The following SSC5D variants were observed in gnomAD, a reference collection of about 807,000 sequenced individuals.
SSC5D encodes the protein soluble scavenger receptor cysteine-rich domain-containing protein SSC5D.
In SSC5D, 106 loss-of-function variants were observed where a neutral mutation model predicts 104.6. The ratio of observed to expected loss-of-function variants is 1.01; its 90% CI spans 0.87 to 1.19. The LOEUF (loss-of-function observed/expected upper bound fraction) is 1.19. Ranked by LOEUF, SSC5D falls within the 50% of genes most tolerant of loss-of-function variation. The pLI is 0.00. For synonymous variants in SSC5D, 860 were observed against 883.5 expected (o/e 0.97, Z 0.47); for missense variants, 1,993 against 2,153.8 (o/e 0.93, Z 1.48).
intron 12 of SSC5D, among the ~76,000 whole-genome samples, chr19:55,504,724 G>A (rs10402335): frequency 6.6e-6 from 1 of 151,940 alleles, no homozygotes; most frequent in African/African-American, 2.4e-5. Flanking sequence ...TGGTCTCAAA[G>A]CCGACCTCGT....
chr19:55,492,250 C>T (rs1012188853), intron 6 of SSC5D: 4 of 152,262 alleles, frequency 2.6e-5, no homozygotes, highest in African/African-American at 9.7e-5. Context: ...TCTGTATAGA[C>T]CCACGCTCCA....
At position 55,489,356 on chromosome 19, in the gene SSC5D, C is replaced by A; in HGVS notation, c.55C>A (p.Arg19Ser). ...AALVGIQAVE[R>S]LRLADGPHGC... ...ACAGCCATTCCTCCAACCCTCAGAG[C>A]GCCTGCGCCTGGCCGATGGCCCCCA... is the stretch of plus-strand genomic sequence containing the variant. Residue 19 changes from arginine to serine, a missense_variant and splice_region_variant, in exon 3 of 14, where the codon CGC (arginine) becomes AGC (serine). Physicochemically the swap from Arg to Ser is moderately radical, Grantham distance 110. Transcript: ENST00000389623. 6.9e-7 allele frequency: 1 copy of A among 1,446,300 alleles called. No homozygotes were observed. Among genetic ancestry groups the A allele is most frequent in the South Asian group, 1.5e-5 (1 of 67,800 alleles). The allele number at this position is 1,446,300 out of a possible 1,614,324, so 89.6% of individuals were successfully genotyped here.
intron 8 of SSC5D, among the ~76,000 whole-genome samples, chr19:55,497,626 T>C (rs1192245387): frequency 6.6e-6 from 1 of 152,214 alleles, no homozygotes; most frequent in Non-Finnish European, 1.5e-5. Context: ...TTCTAGATTA[T>C]ATGGTAATTT....
chr19:55,493,981 CGGGGG>C, intron 7 of SSC5D, 69 bp downstream of exon 7: 10 of 44,512 alleles, frequency 2.2e-4, no homozygotes, highest in African/African-American at 3.0e-4. Flanking sequence ...GCAAGTTCGG[CGGGGG>C]CGGGGGGGTC....
intron 12 of SSC5D, among the ~76,000 whole-genome samples, chr19:55,512,386 A>G (rs1398138891): frequency 6.7e-6 from 1 of 149,774 alleles, no homozygotes; most frequent in African/African-American, 2.5e-5. Flanking sequence ...AAAAGGAAAA[A>G]TAGTATTATA....
At chr19:55,497,291 CTTA>C (rs1987349459) in intron 8 of SSC5D, among the ~76,000 whole-genome samples, 1 of 152,090 alleles carries the variant, frequency 6.6e-6, no homozygotes, top group African/African-American at 2.4e-5. Flanking sequence ...AACAAAACAC[CTTA>C]TTATCCCTGG....
At chr19:55,491,244 C>T in intron 6 of SSC5D, 164 bp downstream of exon 6, 1 of 753,282 alleles carries the variant, frequency 1.3e-6, no homozygotes, top group Non-Finnish European at 2.1e-6. Context: ...CCTCCTTCCA[C>T]AGCTCCTGCC....
At chr19:55,513,747 A>T (rs149741542) in intron 13 of SSC5D, among the ~76,000 whole-genome samples, 334 of 152,304 alleles carry the variant, frequency 2.2e-3, no homozygotes, top group Non-Finnish European at 3.8e-3. Flanking sequence ...GGTGATAAAC[A>T]TTCACAATGC....
chr19:55,489,293 C>T, intron 2 of SSC5D, 61 bp from the exon 3 acceptor site: 1 of 1,410,234 alleles, frequency 7.1e-7, no homozygotes, highest in Non-Finnish European at 9.2e-7. Flanking sequence ...CCTACAGTTG[C>T]CCTGGCCTTG....
In SSC5D at chr19:55,518,732, G is replaced by GGGTGGGCTCCTTCCC. The variant is rs1987953384; in HGVS notation, c.4456_4457insGGTGGGCTCCTTCCC (p.Glu1486delinsGlyTrpAlaProSerGln). 1 of 1,550,790 alleles carries GGGTGGGCTCCTTCCC rather than the reference G, an allele frequency of 6.4e-7. No homozygotes were observed. The highest frequency in any genetic ancestry group is 8.7e-7 in the Non-Finnish European group (1 of 1,146,902). On this transcript the variant is annotated protein_altering_variant, in exon 14 of 14. Transcript: ENST00000389623. The stretch of plus-strand genomic sequence containing the variant: ...ACCACCTGTAAGGGTCATGGCTTGT[G>GGGTGGGCTCCTTCCC]AGCCACCTGCCCTGGTGGAGCTGGT...
Position 55,500,356 on chromosome 19 carries a change from C to T in SSC5D, c.2246C>T (p.Pro749Leu), listed in dbSNP as rs574917882. Reference protein sequence around the residue: ...EPSAEIPEGSPESPKDPAPSP... With the variant: ...EPSAEIPEGSLESPKDPAPSP... The stretch of plus-strand genomic sequence containing the variant: ...TCTGCTGAGATCCCAGAAGGGTCTC[C>T]AGAGTCACCCAAAGACCCGGCCCCC... The change falls in exon 10 of 14, where the codon CCA (proline) becomes CTA (leucine). Residue 749 changes from proline to leucine, a missense_variant. Physicochemically the swap from Pro to Leu is moderately conservative, Grantham distance 98. Around this residue, in one of 6 missense-constraint regions of SSC5D, gnomAD observed 1,101 missense variants for 1,085.0 expected, o/e 1.01. Coordinates refer to ENST00000389623, the MANE Select transcript of SSC5D (RefSeq NM_001144950.2). The surrounding 1 kb of genome is among the most constrained non-coding windows in gnomAD (Gnocchi z 4.6). The T allele has an allele frequency of 5.2e-6, 8 of 1,551,448 alleles. No individual in the cohort carries two copies. The African/African-American group carries it at 1.1e-4, about 21-fold the overall frequency.
rs1290754504 is a variant in SSC5D at position 55,500,038 on chromosome 19, C to A, written c.1928C>A (p.Pro643His). The change falls in exon 10 of 14, where the codon CCC (proline) becomes CAC (histidine). Residue 643 changes from proline (P) to histidine (H), a missense_variant. Pro to His is a moderately conservative substitution (Grantham distance 77). Coordinates refer to ENST00000389623, the MANE Select transcript of SSC5D (RefSeq NM_001144950.2). This position sits in a 1 kb window ranked among gnomAD's most constrained non-coding sequence, Gnocchi z 4.6. ...AATGCAAAGAGACCAACCACTCAACCCCCAGTGATGCCAACCACGAAACAC... is the reference window on the plus strand; with the variant it reads ...AATGCAAAGAGACCAACCACTCAACACCCAGTGATGCCAACCACGAAACAC... The part of the protein sequence containing the change: ...TKNAKRPTTQ[P>H]PVMPTTKHSR... The A allele has an allele frequency of 6.4e-7, 1 of 1,551,782 alleles. No homozygotes were observed. The highest frequency in any genetic ancestry group is 1.2e-5 in the South Asian group (1 of 84,048).
chr19:55,509,392 A>G (rs760094677), intron 12 of SSC5D, among the ~76,000 whole-genome samples: 35 of 152,154 alleles, frequency 2.3e-4, no homozygotes, highest in Non-Finnish European at 4.1e-4. Context: ...CCATGAGCCT[A>G]AGGACATGGG....
intron 13 of SSC5D, among the ~76,000 whole-genome samples, chr19:55,516,369 C>T (rs1427830899): frequency 2.0e-5 from 3 of 151,984 alleles, no homozygotes; most frequent in East Asian, 1.9e-4. Context: ...TGGTGGCGGG[C>T]GCCTGTAGTC....
chr19:55,493,585 C>T lies in SSC5D; in HGVS notation c.896-10C>T. 1.4e-6 allele frequency: 2 copies of T among 1,428,822 alleles called. No homozygotes were observed. Among genetic ancestry groups the T allele is most frequent in the Non-Finnish European group, 1.8e-6 (2 of 1,104,640 alleles). The allele number at this position is 1,428,822 out of a possible 1,614,324, so 88.5% of individuals were successfully genotyped here. A position where few individuals can be genotyped will look rare whatever the true frequency, so the allele number is the denominator to read the frequency against. On this transcript the variant is annotated splice_polypyrimidine_tract_variant and intron_variant, in intron 6 of 13. Coordinates refer to ENST00000389623, the MANE Select transcript of SSC5D (RefSeq NM_001144950.2). ...TTTCCTGGCCCTGTGCTCCCTCTCC[C>T]ACTATCCAGGCCCAGCACCTCGGCT...
At chr19:55,502,970 C>T (rs1275319698) in intron 12 of SSC5D, among the ~76,000 whole-genome samples, 1 of 152,208 alleles carries the variant, frequency 6.6e-6, no homozygotes, top group Non-Finnish European at 1.5e-5. Flanking sequence ...CGTGTGCCAC[C>T]ACTCCCGGCT....
chr19:55,489,874 C>G lies in SSC5D; in HGVS notation c.362-8C>G, dbSNP rs767850990. On this transcript the variant is annotated splice_region_variant and splice_polypyrimidine_tract_variant and intron_variant, in intron 3 of 13. Transcript: ENST00000389623. The stretch of plus-strand genomic sequence containing the variant: ...CTCATAGCTTCTGTCCCTGCCCCCC[C>G]GCCGCAGGTCAGCGTGTGGCTAACT... The G allele has an allele frequency of 3.9e-6, 6 of 1,548,024 alleles. No individual in the cohort carries two copies. The East Asian group carries it at 7.3e-5, about 19-fold the overall frequency.
At chr19:55,516,944 C>G (rs1277861354) in intron 13 of SSC5D, among the ~76,000 whole-genome samples, 1 of 151,876 alleles carries the variant, frequency 6.6e-6, no homozygotes, top group East Asian at 1.9e-4. Context: ...CCTCACCTCA[C>G]CCTCCTGCAC....
At chr19:55,504,464 G>T in intron 12 of SSC5D, 2 of 496,412 alleles carry the variant, frequency 4.0e-6, no homozygotes, top group Non-Finnish European at 6.2e-6. Context: ...AAGTGACTTG[G>T]TCTCTTTGAG....
Sources: gnomAD v4.1 joint callset for allele counts (sites outside exome capture counted in the v4.1 genomes callset) on GRCh38, gnomAD v4.1.1 for gene constraint, gnomAD v4.1.1 regional missense constraint, Gnocchi (gnomAD v3.1) non-coding constraint, MANE v1.5 for transcripts, NCBI Gene and HGNC (gene_info 2026-07-23, HGNC 2026-07-21) for gene names.